The following CLEC4D variants were observed in gnomAD, a reference collection of about 807,000 sequenced individuals.
The protein encoded by CLEC4D is C-type lectin domain family 4 member D.
A neutral mutation model predicts 21.1 loss-of-function variants in CLEC4D; 21 were observed. That is an observed-to-expected ratio of 1.00 (90% CI 0.71 to 1.43). The LOEUF (loss-of-function observed/expected upper bound fraction) is 1.43, where lower values mean the gene tolerates loss of function less well. Among genes scored for constraint, CLEC4D ranks in the 40% most tolerant of loss-of-function variants. The probability of loss-of-function intolerance (pLI) is 0.00; values close to 1 mark genes in which losing one functional copy is unlikely to be tolerated. For missense variants in CLEC4D, 289 were observed against 260.7 expected, an observed-to-expected ratio of 1.11 and a Z score of -0.75; for synonymous variants, 85 against 83.1, an observed-to-expected ratio of 1.02 and a Z score of -0.12.
chr12:8,525,317 T>C (rs1209662009), downstream of CLEC4D, among the ~76,000 whole-genome samples: 1 of 152,196 alleles, frequency 6.6e-6, no homozygotes, highest in African/African-American at 2.4e-5. Flanking sequence ...TCTCCCACTA[T>C]TATTATGTGG....
Position 8,513,600 on chromosome 12 carries a change from C to A in CLEC4D, c.-133C>A, listed in dbSNP as rs76806562. 1 of 544,584 alleles carries A rather than the reference C, an allele frequency of 1.8e-6. No homozygotes were observed. Among genetic ancestry groups the A allele is most frequent in the Non-Finnish European group, 3.4e-6 (1 of 295,920 alleles). 33.7% of individuals were successfully genotyped at this position (544,584 alleles called of 1,614,324 possible). A position where few individuals can be genotyped will look rare whatever the true frequency, so the allele number is the denominator to read the frequency against. On this transcript the variant is annotated 5_prime_UTR_variant, in exon 1 of 6. Transcript: ENST00000299665. The stretch of plus-strand genomic sequence containing the variant: ...TACTGGTACCTTTCTAATCTCACTA[C>A]AATATGTAACATTGGTGTTCGATCT...
downstream of CLEC4D, among the ~76,000 whole-genome samples, chr12:8,525,985 T>C (rs903427881): frequency 1.3e-5 from 2 of 152,322 alleles, no homozygotes; most frequent in Admixed American, 6.5e-5. Flanking sequence ...GGTTGAAAAT[T>C]CTTTTATTTA....
chr12:8,528,570 G>A, the CLEC4D span, among the ~76,000 whole-genome samples: 1 of 152,234 alleles, frequency 6.6e-6, no homozygotes, highest in East Asian at 1.9e-4. Context: ...GACAAAGACA[G>A]TAATTTCATA....
chr12:8,518,630 C>T (rs756409290), intron 3 of CLEC4D, among the ~76,000 whole-genome samples: 24 of 152,186 alleles, frequency 1.6e-4, no homozygotes, highest in Non-Finnish European at 2.8e-4. Flanking sequence ...TTTGTCATCT[C>T]ATTTGGGAGA....
intron 1 of CLEC4D, among the ~76,000 whole-genome samples, chr12:8,513,973 G>T (rs184702636): frequency 6.6e-6 from 1 of 151,808 alleles, no homozygotes; most frequent in Admixed American, 6.6e-5. Flanking sequence ...GGACCAAGAG[G>T]GGAGATAAAA....
chr12:8,520,404 C>T, intron 5 of CLEC4D, 63 bp downstream of exon 5: 4 of 1,572,054 alleles, frequency 2.5e-6, no homozygotes, highest in Non-Finnish European at 2.6e-6. Context: ...TAGCAAGAAA[C>T]ATTCATTTTG....
At chr12:8,522,644 G>A (rs760561866), downstream of CLEC4D, among the ~76,000 whole-genome samples, 32 of 152,072 alleles carry the variant, frequency 2.1e-4, no homozygotes, top group Non-Finnish European at 3.8e-4. Flanking sequence ...TGAAACCTAT[G>A]AAACTTGTTG....
chr12:8,521,385 T>C lies in CLEC4D; in HGVS notation c.*114T>C, dbSNP rs1940456760. On this transcript the variant is annotated 3_prime_UTR_variant, in exon 6 of 6. Coordinates refer to ENST00000299665, the MANE Select transcript of CLEC4D (RefSeq NM_080387.5). ...AAACATGCTGGTTCATACAGCGTTTTTAGTCATAATGGTCTTTTTTATTTT... is the reference window on the plus strand; with the variant it reads ...AAACATGCTGGTTCATACAGCGTTTCTAGTCATAATGGTCTTTTTTATTTT... 1 of 1,468,750 alleles carries C rather than the reference T, an allele frequency of 6.8e-7. No individual in the cohort carries two copies. The highest frequency in any genetic ancestry group is 9.0e-7 in the Non-Finnish European group (1 of 1,115,242). The allele number at this position is 1,468,750 out of a possible 1,614,324, so 91.0% of individuals were successfully genotyped here.
intron 5 of CLEC4D, among the ~76,000 whole-genome samples, chr12:8,520,776 A>G (rs1015828846): frequency 5.9e-5 from 9 of 152,210 alleles, no homozygotes; most frequent in Admixed American, 2.0e-4. Context: ...AGTGAAATGT[A>G]TTTTAATAAC....
rs1940453977 is a variant in CLEC4D, at chr12:8,521,193, T to C, written c.570T>C (p.Asp190=). The change falls in exon 6 of 6, where the codon GAT becomes GAC. Residue 190 remains aspartate (D), a synonymous_variant. Transcript: ENST00000299665. ...GTGTTGTTCTTGTTTATAACCAAGATAAATGGGCCTGGAATGATGTTCCTT... is the reference window on the plus strand; with the variant it reads ...GTGTTGTTCTTGTTTATAACCAAGACAAATGGGCCTGGAATGATGTTCCTT... ...ENCVVLVYNQ[D]KWAWNDVPCN... 5 of 1,613,582 alleles carry C rather than the reference T, an allele frequency of 3.1e-6. No homozygotes were observed. The highest frequency in any genetic ancestry group is 2.7e-5 in the African/African-American group (2 of 74,898).
At position 8,520,332 on chromosome 12, in the gene CLEC4D, C is replaced by A. The variant is rs1940442931; in HGVS notation, c.491C>A (p.Pro164Gln). The change falls in exon 5 of 6, where the codon CCA becomes CAA. Residue 164 changes from proline to glutamine, a missense_variant. Physicochemically the swap from Pro to Gln is moderately conservative, Grantham distance 76 (BLOSUM62 -1). Transcript: ENST00000299665. ...TGGGTGGACCAGACGCCATTTAACC[C>A]ACGCAGAGTGTAAGTATATTGAGTG... ...WRWVDQTPFN[P>Q]RRVFWHKNEP... 1 of 1,613,650 alleles carries A rather than the reference C, an allele frequency of 6.2e-7. No individual in the cohort carries two copies. The highest frequency in any genetic ancestry group is 1.3e-5 in the African/African-American group (1 of 74,882).
intron 2 of CLEC4D, among the ~76,000 whole-genome samples, chr12:8,516,692 G>A (rs948303032): frequency 6.6e-6 from 1 of 152,164 alleles, no homozygotes; most frequent in Non-Finnish European, 1.5e-5. Flanking sequence ...AAAGTTTACC[G>A]CTATCATAGT....
At position 8,521,166 on chromosome 12, in the gene CLEC4D, CTG is replaced by C. The variant is rs757245808; in HGVS notation, c.547_548del (p.Val183CysfsTer5). On this transcript the variant is annotated frameshift_variant, in exon 6 of 6. Coordinates refer to ENST00000299665, the MANE Select transcript of CLEC4D (RefSeq NM_080387.5). LOFTEE classifies it low-confidence loss of function (END_TRUNC). ...AACCCGACAACTCTCAGGGAGAAAA[CTG>C]TGTTGTTCTTGTTTATAACCAAGAT... ...NEPDNSQGEN[C>X]VVLVYNQDKW... 2 of 1,613,410 alleles carry C rather than the reference CTG, an allele frequency of 1.2e-6. No homozygotes were observed. The highest frequency in any genetic ancestry group is 1.7e-6 in the Non-Finnish European group (2 of 1,179,574).
chr12:8,520,995 C>T, intron 5 of CLEC4D, 129 bp from the exon 6 acceptor site: 1 of 1,187,044 alleles, frequency 8.4e-7, no homozygotes. Flanking sequence ...AGTATTAGTG[C>T]AGTTCTAAAC....
At chr12:8,516,671 G>A (rs76866098) in intron 2 of CLEC4D, among the ~76,000 whole-genome samples, 2,083 of 152,312 alleles carry the variant, frequency 0.014, 50 homozygotes, top group African/African-American at 0.046. Flanking sequence ...AAGCATTACA[G>A]TCACTCTGGA....
In CLEC4D at chr12:8,515,843, A is replaced by G. The variant is rs760405728; in HGVS notation, c.121+515A>G. Among the ~76,000 whole-genome samples the G allele has an allele frequency of 1.5e-3, 225 of 152,208 alleles. 1 individual carries two copies. The highest frequency in any genetic ancestry group is 4.7e-4 in the Non-Finnish European group (32 of 67,972). On this transcript the variant is annotated intron_variant, in intron 2 of 5. Coordinates refer to ENST00000299665, the MANE Select transcript of CLEC4D (RefSeq NM_080387.5). The stretch of plus-strand genomic sequence containing the variant: ...ATTAGTATACACCCTTGAAACCATC[A>G]CCACCATTAAAAAAATTCTTTCTGA...
intron 2 of CLEC4D, among the ~76,000 whole-genome samples, chr12:8,517,730 A>G (rs779956324): frequency 6.6e-6 from 1 of 152,122 alleles, no homozygotes; most frequent in African/African-American, 2.4e-5. Context: ...GCGGATCTCG[A>G]GGTCAGGAGA....
chr12:8,520,020 G>A (rs1037982170), intron 4 of CLEC4D, among the ~76,000 whole-genome samples: 2 of 152,206 alleles, frequency 1.3e-5, no homozygotes, highest in African/African-American at 4.8e-5. Context: ...AAGTAGTGGA[G>A]TTGTCCCTTT....
intron 1 of CLEC4D, 65 bp downstream of exon 1, chr12:8,513,825 G>A: frequency 1.2e-6 from 1 of 800,312 alleles, no homozygotes; most frequent in South Asian, 1.5e-5. Context: ...TAAAACATAT[G>A]AATTGATGGT....
Sources: gnomAD v4.1 joint callset for allele counts (sites outside exome capture counted in the v4.1 genomes callset) on GRCh38, gnomAD v4.1.1 for gene constraint, MANE v1.5 for transcripts, NCBI Gene and HGNC (gene_info 2026-07-23, HGNC 2026-07-21) for gene names.